The following NLGN1 variants were observed in gnomAD, a reference collection of about 807,000 sequenced individuals.
The protein encoded by NLGN1 is neuroligin 1, also known as neuroligin-1.
NLGN1 carries 12 observed loss-of-function variants against 65.5 expected under a neutral mutation model. The ratio of observed to expected loss-of-function variants is 0.18; its 90% CI spans 0.12 to 0.30. The LOEUF is 0.30. Among genes scored for constraint, NLGN1 ranks in the 10% least tolerant of loss-of-function variants. The pLI, the probability that NLGN1 is intolerant of heterozygous loss-of-function variation, is 1.00. For missense variants in NLGN1, 750 were observed against 1,007.1 expected (o/e 0.74, Z 3.46); for synonymous variants, 350 against 359.5 (o/e 0.97, Z 0.30).
intron 4 of NLGN1, among the ~76,000 whole-genome samples, chr3:174,191,228 C>T (rs1344531370): frequency 2.0e-5 from 3 of 152,082 alleles, no homozygotes; most frequent in Non-Finnish European, 4.4e-5. Flanking sequence ...TGTAAATTAA[C>T]AGACCTGTGT....
rs545260026 is a variant in NLGN1, at chr3:173,829,498, T to A, written c.646+21666T>A. Among the ~76,000 whole-genome samples, 74 of 19,264 alleles carry A rather than the reference T, an allele frequency of 3.8e-3. 1 individual carries two copies. Among genetic ancestry groups the A allele is most frequent in the East Asian group, 0.017 (58 of 3,356 alleles). The allele number at this position is 19,264 out of a possible 152,430, so 12.6% of individuals were successfully genotyped here. A position where few individuals can be genotyped will look rare whatever the true frequency, so the allele number is the denominator to read the frequency against. On this transcript the variant is annotated intron_variant, in intron 4 of 6. Transcript: ENST00000457714. The stretch of plus-strand genomic sequence containing the variant: ...TTGTGTACTGATTACCATAGTCAAA[T>A]TAATTAACTCATCTATCACCTTTCA...
intron 3 of NLGN1, among the ~76,000 whole-genome samples, chr3:173,787,471 G>C (rs554173604): frequency 6.6e-6 from 1 of 152,164 alleles, no homozygotes; most frequent in East Asian, 1.9e-4. Context: ...TTCTTCAAAG[G>C]CAATCTTGGC....
At chr3:174,267,972 T>G (rs1159582125) in intron 4 of NLGN1, among the ~76,000 whole-genome samples, 5 of 152,136 alleles carry the variant, frequency 3.3e-5, no homozygotes, top group Non-Finnish European at 7.4e-5. Context: ...TTAAGAGAGA[T>G]AAAAATAAAT....
the NLGN1 span, among the ~76,000 whole-genome samples, chr3:174,293,410 G>A: frequency 6.6e-6 from 1 of 151,248 alleles, no homozygotes; most frequent in Non-Finnish European, 1.5e-5. Flanking sequence ...CAGACTTAAA[G>A]AACATGAGTT....
chr3:173,845,376 A>G (rs1481703147), intron 4 of NLGN1, among the ~76,000 whole-genome samples: 1 of 152,152 alleles, frequency 6.6e-6, no homozygotes, highest in Admixed American at 6.5e-5. Flanking sequence ...TCTACTTTCT[A>G]TTATAGAGCA....
At chr3:173,737,587 A>G (rs1382019215) in intron 3 of NLGN1, among the ~76,000 whole-genome samples, 1 of 152,096 alleles carries the variant, frequency 6.6e-6, no homozygotes, top group African/African-American at 2.4e-5. Context: ...ATGTATCAGT[A>G]CATAATTCCT....
At chr3:173,625,540 C>T (rs1267862667) in intron 3 of NLGN1, among the ~76,000 whole-genome samples, 1 of 152,046 alleles carries the variant, frequency 6.6e-6, no homozygotes, top group Non-Finnish European at 1.5e-5. Context: ...CTCTGTCTTC[C>T]CCATTTTTCT....
chr3:173,590,317 A>C (rs1748255345), intron 2 of NLGN1, among the ~76,000 whole-genome samples: 2 of 152,160 alleles, frequency 1.3e-5, no homozygotes, highest in Non-Finnish European at 2.9e-5. Flanking sequence ...GGGTAGAAAA[A>C]GTCACCAGTT....
At chr3:173,709,971 G>T (rs1343599825) in intron 3 of NLGN1, among the ~76,000 whole-genome samples, 1 of 151,950 alleles carries the variant, frequency 6.6e-6, no homozygotes, top group East Asian at 1.9e-4. Context: ...GTCTTTAAAG[G>T]TATAAATACT....
intron 2 of NLGN1, among the ~76,000 whole-genome samples, chr3:173,452,927 A>G (rs140557590): frequency 1.1e-4 from 16 of 152,336 alleles, no homozygotes; most frequent in African/African-American, 3.8e-4. Flanking sequence ...CTAAAAATGT[A>G]CATACCTTAA....
At chr3:174,109,157 A>T (rs1469622039) in intron 4 of NLGN1, among the ~76,000 whole-genome samples, 1 of 152,032 alleles carries the variant, frequency 6.6e-6, no homozygotes, top group Non-Finnish European at 1.5e-5. Flanking sequence ...AAAGAGAAAA[A>T]TGAAAAACAA....
chr3:173,909,120 T>TA (rs1416351368), intron 4 of NLGN1, among the ~76,000 whole-genome samples: 1 of 152,086 alleles, frequency 6.6e-6, no homozygotes. Context: ...TTTAAGGAAA[T>TA]AACTAGTATG....
At chr3:173,880,499 T>C (rs1268303217) in intron 4 of NLGN1, among the ~76,000 whole-genome samples, 1 of 151,580 alleles carries the variant, frequency 6.6e-6, no homozygotes, top group African/African-American at 2.4e-5. Flanking sequence ...ATTTTTTTTT[T>C]ATTTTCTAGT....
intron 3 of NLGN1, among the ~76,000 whole-genome samples, chr3:173,758,227 T>A (rs1777430293): frequency 6.6e-6 from 1 of 152,024 alleles, no homozygotes; most frequent in African/African-American, 2.4e-5. Flanking sequence ...AGATATGGAA[T>A]CAGCTTTTGT....
rs544484346 is a variant in NLGN1, at chr3:173,913,004, A to C, written c.646+105172A>C. On this transcript the variant is annotated intron_variant, in intron 4 of 6. Transcript: ENST00000457714. ...ATGCCTTCAATGGCTCACACCACCA[A>C]CAACAGCGACTAGAATGCATTTAAA... Among the ~76,000 whole-genome samples the C allele has an allele frequency of 9.9e-4, 150 of 152,272 alleles. 1 individual carries two copies. Among genetic ancestry groups the C allele is most frequent in the African/African-American group, 3.0e-3 (126 of 41,556 alleles).
intron 3 of NLGN1, among the ~76,000 whole-genome samples, chr3:173,789,243 G>A (rs1712080616): frequency 6.6e-6 from 1 of 151,022 alleles, no homozygotes; most frequent in African/African-American, 2.4e-5. Context: ...AAGGAAGGAA[G>A]GAAGGAAAGA....
In NLGN1 at chr3:174,170,159, G is replaced by T. The variant is rs534064699; in HGVS notation, c.647-105156G>T. Among the ~76,000 whole-genome samples the T allele has an allele frequency of 4.0e-5, 6 of 151,534 alleles. No individual in the cohort carries two copies. In the East Asian group the frequency reaches 1.2e-3, roughly 30 times the overall value. On this transcript the variant is annotated intron_variant, in intron 4 of 6. Coordinates refer to ENST00000457714, the Ensembl canonical transcript of NLGN1. ...TAAAGCCCACAGAGTTGATCTTTATGTACTATCTTGCTGTTGCTAGGTGGT... is the reference window on the plus strand; with the variant it reads ...TAAAGCCCACAGAGTTGATCTTTATTTACTATCTTGCTGTTGCTAGGTGGT...
intron 3 of NLGN1, among the ~76,000 whole-genome samples, chr3:173,775,225 A>G (rs1780134197): frequency 6.6e-6 from 1 of 152,150 alleles, no homozygotes; most frequent in Admixed American, 6.6e-5. Flanking sequence ...CAAGAACTTA[A>G]TTTTTTAAAT....
chr3:173,885,385 G>A (rs1734141618), intron 4 of NLGN1, among the ~76,000 whole-genome samples: 3 of 151,850 alleles, frequency 2.0e-5, no homozygotes, highest in Admixed American at 2.0e-4. Context: ...GTATACAGTA[G>A]GTGGTTGAAA....
Sources: allele counts gnomAD v4.1 joint callset (sites outside exome capture counted in the v4.1 genomes callset), GRCh38; gene constraint gnomAD v4.1.1; transcripts MANE v1.5; gene names NCBI Gene and HGNC (gene_info 2026-07-23, HGNC 2026-07-21).